NTRK3: variants seen among roughly 807,000 people sequenced by gnomAD.
The protein encoded by NTRK3 is neurotrophic receptor tyrosine kinase 3.
Under a neutral mutation model 91.7 loss-of-function variants are expected in NTRK3, and 24 were observed. The observed-to-expected ratio is 0.26, with a 90% CI of 0.19 to 0.37. NTRK3 has a LOEUF of 0.37. Ranked by LOEUF, NTRK3 falls within the 10% of genes least tolerant of loss-of-function variation. The pLI is 1.00. For synonymous variants in NTRK3, 483 were observed against 404.0 expected (o/e 1.20, Z -2.34); for missense variants, 880 against 1,068.9 (o/e 0.82, Z 2.46).
intron 18 of NTRK3, among the ~76,000 whole-genome samples, chr15:87,879,842 C>A (rs1437022586): frequency 6.6e-6 from 1 of 152,098 alleles, no homozygotes; most frequent in Non-Finnish European, 1.5e-5. Context: ...CTGGTCTTCC[C>A]AAATTGACCA....
chr15:88,092,132 C>A (rs1339543713), intron 13 of NTRK3, among the ~76,000 whole-genome samples: 1 of 152,210 alleles, frequency 6.6e-6, no homozygotes, highest in Non-Finnish European at 1.5e-5. Context: ...CTTGTTTCTA[C>A]TTTGCCTGCA....
At chr15:87,946,993 C>T (rs2070601458) in intron 14 of NTRK3, among the ~76,000 whole-genome samples, 1 of 150,784 alleles carries the variant, frequency 6.6e-6, no homozygotes, top group Non-Finnish European at 1.5e-5. Flanking sequence ...GCAATTCTGC[C>T]TCAGACTCCC....
Position 87,961,222 on chromosome 15 carries a change from T to A in NTRK3, c.1586-20469A>T, listed in dbSNP as rs186271987. Among the ~76,000 whole-genome samples the A allele has an allele frequency of 2.8e-4, 43 of 152,344 alleles. No homozygotes were observed. In the East Asian group the frequency reaches 7.7e-3, roughly 27 times the overall value. The stretch of plus-strand genomic sequence containing the variant: ...ATCACAATGTGGTATATGACTTCCC[T>A]GTGCACAGCCATCTCCCTCTGAATC... On this transcript the variant is annotated intron_variant, in intron 14 of 18. Coordinates refer to ENST00000394480, the Ensembl canonical transcript of NTRK3.
rs1238432938 is a variant in NTRK3 at position 88,031,121 on chromosome 15, A to T, written c.1585+1736T>A. Among the ~76,000 whole-genome samples the T allele has an allele frequency of 4.6e-5, 7 of 152,230 alleles. No individual in the cohort carries two copies. The East Asian group carries it at 1.2e-3, about 25-fold the overall frequency. ...ATGAATCAACAACATGTATTAAATA[A>T]GGTGTCTTTAAACAGAAACATATGA... On this transcript the variant is annotated intron_variant, in intron 14 of 18. Coordinates refer to ENST00000394480, the Ensembl canonical transcript of NTRK3.
intron 13 of NTRK3, among the ~76,000 whole-genome samples, chr15:88,039,663 G>A (rs1279169756): frequency 1.3e-5 from 2 of 152,180 alleles, no homozygotes; most frequent in Non-Finnish European, 2.9e-5. Flanking sequence ...CCCCAGTGCC[G>A]TAAAGAAATA....
chr15:87,975,938 C>T (rs567139365), intron 14 of NTRK3, among the ~76,000 whole-genome samples: 48 of 152,210 alleles, frequency 3.2e-4, no homozygotes, highest in Non-Finnish European at 6.6e-4. Context: ...CTCTTTTTGC[C>T]TCCTGCTCTA....
chr15:88,033,652 T>C (rs2078807334), intron 13 of NTRK3, among the ~76,000 whole-genome samples: 1 of 152,020 alleles, frequency 6.6e-6, no homozygotes, highest in African/African-American at 2.4e-5. Flanking sequence ...AGCGTATTCC[T>C]CGAATGCTCT....
intron 14 of NTRK3, among the ~76,000 whole-genome samples, chr15:87,950,963 C>T (rs1250175788): frequency 6.6e-6 from 1 of 152,194 alleles, no homozygotes; most frequent in African/African-American, 2.4e-5. Context: ...TCCATGTCTT[C>T]AGGACAGTTT....
intron 16 of NTRK3, 30 bp downstream of exon 16, chr15:87,932,982 C>T (rs2141953077): frequency 2.5e-6 from 4 of 1,612,870 alleles, no homozygotes; most frequent in Non-Finnish European, 3.4e-6. Flanking sequence ...GGACTGGGGT[C>T]AGGTGCAGGG....
intron 13 of NTRK3, among the ~76,000 whole-genome samples, chr15:88,049,110 A>C (rs1428488443): frequency 6.6e-6 from 1 of 152,236 alleles, no homozygotes; most frequent in Non-Finnish European, 1.5e-5. Context: ...GCACAGAAGC[A>C]ACCCTGGAGC....
intron 13 of NTRK3, among the ~76,000 whole-genome samples, chr15:88,042,847 C>G (rs1401749245): frequency 6.6e-6 from 1 of 152,182 alleles, no homozygotes; most frequent in Non-Finnish European, 1.5e-5. Context: ...CAAGATCACA[C>G]AGTTAATAAA....
chr15:88,096,894 T>C (rs1289376796), intron 13 of NTRK3, among the ~76,000 whole-genome samples: 4 of 152,212 alleles, frequency 2.6e-5, no homozygotes, highest in Admixed American at 2.0e-4. Flanking sequence ...ACCTCCCAAA[T>C]AAATTACCTG....
chr15:87,879,099 C>G lies in NTRK3; in HGVS notation c.2292+1171G>C, dbSNP rs2065102349. The stretch of plus-strand genomic sequence containing the variant: ...GGAAATGTGGTCAGGCCCCACTGAG[C>G]TTGTGAATCATGAGATAGTACACGT... On this transcript the variant is annotated intron_variant, in intron 18 of 18. Coordinates refer to ENST00000394480, the Ensembl canonical transcript of NTRK3. Among the ~76,000 whole-genome samples the G allele has an allele frequency of 2.0e-5, 3 of 152,114 alleles. No homozygotes were observed. The South Asian group carries it at 6.2e-4, about 32-fold the overall frequency.
Position 88,135,413 on chromosome 15 carries a change from C to T in NTRK3, c.908-16G>A, listed in dbSNP as rs2041778943. 1 of 1,611,796 alleles carries T rather than the reference C, an allele frequency of 6.2e-7. No homozygotes were observed. Among genetic ancestry groups the T allele is most frequent in the Non-Finnish European group, 8.5e-7 (1 of 1,179,668 alleles). Reference sequence around the variant, plus strand: ...CGTGGGGGATCTGTCAAGGGAGAAGCCTGCTGAAATCCAGGACACAGAGTC... The same window carrying T: ...CGTGGGGGATCTGTCAAGGGAGAAGTCTGCTGAAATCCAGGACACAGAGTC... On this transcript the variant is annotated splice_polypyrimidine_tract_variant and intron_variant, in intron 9 of 18. Coordinates refer to ENST00000394480, the Ensembl canonical transcript of NTRK3.
At chr15:88,042,684 A>AAG (rs1212411998) in intron 13 of NTRK3, among the ~76,000 whole-genome samples, 1 of 152,216 alleles carries the variant, frequency 6.6e-6, no homozygotes, top group Non-Finnish European at 1.5e-5. Context: ...CAACCAGCCC[A>AAG]AGAACACGCA....
intron 14 of NTRK3, among the ~76,000 whole-genome samples, chr15:87,959,109 C>T (rs1042178805): frequency 2.0e-5 from 3 of 151,656 alleles, no homozygotes; most frequent in African/African-American, 4.8e-5. Flanking sequence ...TGTCTGTGAA[C>T]GCTTGCTCTC....
chr15:88,031,467 A>G (rs528439279), intron 14 of NTRK3, among the ~76,000 whole-genome samples: 89 of 152,306 alleles, frequency 5.8e-4, no homozygotes, highest in Non-Finnish European at 1.0e-3. Flanking sequence ...TGAGACAGGA[A>G]ATTTAGCCAG....
chr15:88,174,566 G>T (rs904350005), intron 5 of NTRK3, among the ~76,000 whole-genome samples: 1 of 152,100 alleles, frequency 6.6e-6, no homozygotes, highest in South Asian at 2.1e-4. Context: ...TGTTCCCTTG[G>T]CAATTTTTTC....
At chr15:88,093,057 T>G (rs921114322) in intron 13 of NTRK3, among the ~76,000 whole-genome samples, 3 of 147,404 alleles carry the variant, frequency 2.0e-5, no homozygotes, top group Non-Finnish European at 4.5e-5. Flanking sequence ...GGCTTTGGGG[T>G]TTTTTTTGTT....
Sources: gnomAD v4.1 joint callset for allele counts (sites outside exome capture counted in the v4.1 genomes callset) on GRCh38, gnomAD v4.1.1 for gene constraint, MANE v1.5 for transcripts, NCBI Gene and HGNC (gene_info 2026-07-23, HGNC 2026-07-21) for gene names.